The following NPL variants were observed in gnomAD, a reference collection of about 807,000 sequenced individuals.
The protein encoded by NPL is N-acetylneuraminate pyruvate lyase.
A neutral mutation model predicts 41.1 loss-of-function variants in NPL; 32 were observed. The observed-to-expected ratio is 0.78, with a 90% CI of 0.59 to 1.05. The LOEUF is 1.05. Among genes scored for constraint, NPL ranks in the 50% least tolerant of loss-of-function variants. The pLI is 0.00. For synonymous variants in NPL, 128 were observed against 134.9 expected (o/e 0.95, Z 0.35); for missense variants, 321 against 378.4 (o/e 0.85, Z 1.26).
intron 5 of NPL, among the ~76,000 whole-genome samples, chr1:182,810,621 TTTATC>T (rs1308194241): frequency 3.9e-5 from 6 of 152,202 alleles, no homozygotes; most frequent in African/African-American, 1.4e-4. Context: ...CTAATGATTC[TTTATC>T]TTTACTGTTT....
At chr1:182,803,793 C>T (rs774837941) in intron 4 of NPL, 22 bp downstream of exon 4, 110 of 1,504,164 alleles carry the variant, frequency 7.3e-5, no homozygotes, top group South Asian at 1.6e-4. Context: ...CTGGGGATGT[C>T]GCTGCATGTC....
chr1:182,799,072 T>C (rs1666758583), intron 3 of NPL, among the ~76,000 whole-genome samples: 1 of 152,198 alleles, frequency 6.6e-6, no homozygotes, highest in Non-Finnish European at 1.5e-5. Flanking sequence ...TTCATGGTGG[T>C]TCGTGCACCA....
In NPL at chr1:182,806,230, CA is replaced by C. The variant is rs1667004831; in HGVS notation, c.230del (p.Lys77SerfsTer5). The C allele has an allele frequency of 9.3e-6, 15 of 1,614,184 alleles. No individual in the cohort carries two copies. The highest frequency in any genetic ancestry group is 1.3e-5 in the Non-Finnish European group (15 of 1,180,040). On this transcript the variant is annotated frameshift_variant and splice_region_variant, in exon 5 of 13. Coordinates refer to ENST00000367553, the MANE Select transcript of NPL (RefSeq NM_030769.3). LOFTEE classifies it high-confidence loss of function. ...AEEWVTKGKD[K>X]LDQVIIHVGA... ...AGGAGTGGGTGACAAAAGGGAAGGACAAGTGAGTGGCTGCATGAGGATAAAA... is the reference window on the plus strand; with the variant it reads ...AGGAGTGGGTGACAAAAGGGAAGGACAGTGAGTGGCTGCATGAGGATAAAA...
At chr1:182,822,021 G>T in intron 10 of NPL, 94 bp from the exon 11 acceptor site, 1 of 829,742 alleles carries the variant, frequency 1.2e-6, no homozygotes, top group East Asian at 2.5e-5. Flanking sequence ...AGGACTAGGT[G>T]TATTTTTTCC....
chr1:182,826,033 A>T (rs555908920), intron 12 of NPL: 4 of 611,236 alleles, frequency 6.5e-6, no homozygotes, highest in African/African-American at 5.5e-5. Flanking sequence ...ATTTTAGCAC[A>T]TGCCTACCCC....
In NPL at chr1:182,818,803, T is replaced by A. The variant is rs992927994; in HGVS notation, c.607-10T>A. The A allele has an allele frequency of 6.8e-6, 11 of 1,614,038 alleles. No homozygotes were observed. The highest frequency in any genetic ancestry group is 5.3e-5 in the African/African-American group (4 of 74,918). ...TTTTATACAAGTGAATATTTTTTGTTTCTGATTAGCAACTGTTGAGTGCTC... is the reference window on the plus strand; with the variant it reads ...TTTTATACAAGTGAATATTTTTTGTATCTGATTAGCAACTGTTGAGTGCTC... On this transcript the variant is annotated splice_polypyrimidine_tract_variant and intron_variant, in intron 9 of 12. Transcript: ENST00000367553.
intron 10 of NPL, among the ~76,000 whole-genome samples, chr1:182,819,815 C>G (rs1471100283): frequency 6.6e-6 from 1 of 152,064 alleles, no homozygotes; most frequent in Non-Finnish European, 1.5e-5. Context: ...TTTGTCAGAA[C>G]TTATTTGGTT....
Position 182,811,572 on chromosome 1 carries a change from A to C in NPL, c.231-584A>C, listed in dbSNP as rs1280399495. 2.0e-5 allele frequency among the ~76,000 whole-genome samples: 3 copies of C among 152,148 alleles called. No homozygotes were observed. In the East Asian group the frequency reaches 5.8e-4, roughly 29 times the overall value. On this transcript the variant is annotated intron_variant, in intron 5 of 12. Coordinates refer to ENST00000367553, the MANE Select transcript of NPL (RefSeq NM_030769.3). ...TTTGTGTGTTTTATCACAACTTAGA[A>C]GTGTTTTTTGTAAGCATGTATATAA...
chr1:182,821,441 A>G (rs1031004594), intron 10 of NPL, among the ~76,000 whole-genome samples: 2 of 152,160 alleles, frequency 1.3e-5, no homozygotes, highest in Admixed American at 6.5e-5. Flanking sequence ...ATTTTTGTTG[A>G]ATTGTTATAG....
At chr1:182,803,358 T>A (rs141196800) in intron 3 of NPL, among the ~76,000 whole-genome samples, 1 of 152,174 alleles carries the variant, frequency 6.6e-6, no homozygotes, top group Non-Finnish European at 1.5e-5. Flanking sequence ...GGGCAAAAGA[T>A]GTGTGGCCAT....
chr1:182,819,475 G>A (rs569685537), intron 10 of NPL, among the ~76,000 whole-genome samples: 1 of 152,000 alleles, frequency 6.6e-6, no homozygotes, highest in South Asian at 2.1e-4. Flanking sequence ...GCCAGGCGTG[G>A]TGGCAGGCAC....
At position 182,829,816 on chromosome 1, in the gene NPL, G is replaced by A. The variant is rs1487369408; in HGVS notation, c.*908G>A. On this transcript the variant is annotated 3_prime_UTR_variant, in exon 13 of 13. Transcript: ENST00000367553. ...CTTTTGTTTAGTGATAGAAGATTTG[G>A]GGAGGACCCAAAGGACTCAGAACTT... The A allele has an allele frequency of 1.6e-6, 1 of 626,108 alleles. No homozygotes were observed. Among genetic ancestry groups the A allele is most frequent in the Non-Finnish European group, 2.9e-6 (1 of 349,980 alleles). The allele number at this position is 626,108 out of a possible 1,614,324, so 38.8% of individuals were successfully genotyped here.
Position 182,829,203 on chromosome 1 carries a change from G to C in NPL, c.*295G>C. 1 of 1,250,686 alleles carries C rather than the reference G, an allele frequency of 8.0e-7. No homozygotes were observed. Among genetic ancestry groups the C allele is most frequent in the South Asian group, 2.0e-5 (1 of 49,690 alleles). The allele number at this position is 1,250,686 out of a possible 1,614,324, so 77.5% of individuals were successfully genotyped here. On this transcript the variant is annotated 3_prime_UTR_variant, in exon 13 of 13. Transcript: ENST00000367553. ...AAATTGTAATTGATTAATTCCATCTGTCTTTAGGAGCTCTCATTATCTCGG... is the reference window on the plus strand; with the variant it reads ...AAATTGTAATTGATTAATTCCATCTCTCTTTAGGAGCTCTCATTATCTCGG...
At chr1:182,806,276 G>T (rs903865712) in intron 5 of NPL, 44 bp downstream of exon 5, 2 of 1,612,806 alleles carry the variant, frequency 1.2e-6, no homozygotes, top group Non-Finnish European at 1.7e-6. Flanking sequence ...GGCAACAGCT[G>T]TATTCAGTGA....
intron 2 of NPL, 102 bp from the exon 3 acceptor site, chr1:182,794,254 T>A: frequency 1.0e-6 from 1 of 997,182 alleles, no homozygotes; most frequent in Non-Finnish European, 1.6e-6. Flanking sequence ...TGTGTACTTG[T>A]AAGCACATTT....
chr1:182,809,599 C>T (rs1227792491), intron 5 of NPL, among the ~76,000 whole-genome samples: 1 of 151,282 alleles, frequency 6.6e-6, no homozygotes, highest in Non-Finnish European at 1.5e-5. Context: ...TATAGCCCCA[C>T]ACACAGGTGG....
At position 182,816,713 on chromosome 1, in the gene NPL, G is replaced by C; in HGVS notation, c.365-1G>C. 1 of 1,610,670 alleles carries C rather than the reference G, an allele frequency of 6.2e-7. No individual in the cohort carries two copies. Among genetic ancestry groups the C allele is most frequent in the Non-Finnish European group, 8.5e-7 (1 of 1,177,228 alleles). On this transcript the variant is annotated splice_acceptor_variant, in intron 7 of 12. Coordinates refer to ENST00000367553, the MANE Select transcript of NPL (RefSeq NM_030769.3). LOFTEE classifies it high-confidence loss of function. Reference sequence around the variant, plus strand: ...CATGACTGTTCCTACTGTTCTTTCAGATATCCTGATTAATTTCCTAAAGGA... The same window carrying C: ...CATGACTGTTCCTACTGTTCTTTCACATATCCTGATTAATTTCCTAAAGGA...
chr1:182,790,665 C>T (rs6678918), intron 1 of NPL, among the ~76,000 whole-genome samples: 22,949 of 148,258 alleles, frequency 0.15, 3,141 homozygotes, highest in African/African-American at 0.37. Context: ...GTTTTTGAGA[C>T]GGAGTCTCGC....
chr1:182,819,568 G>A (rs1292499009), intron 10 of NPL, among the ~76,000 whole-genome samples: 1 of 151,818 alleles, frequency 6.6e-6, no homozygotes, highest in African/African-American at 2.4e-5. Context: ...CCAAGATCAA[G>A]CCACTGTACT....
Sources: allele counts gnomAD v4.1 joint callset (sites outside exome capture counted in the v4.1 genomes callset), GRCh38; gene constraint gnomAD v4.1.1; transcripts MANE v1.5; gene names NCBI Gene and HGNC (gene_info 2026-07-23, HGNC 2026-07-21).